Variants in AOPEP observed in about 807,000 individuals in gnomAD.
The protein encoded by AOPEP is aminopeptidase O (putative), also known as aminopeptidase O.
A neutral mutation model predicts 98.1 loss-of-function variants in AOPEP; 77 were observed. The observed-to-expected ratio is 0.78, with a 90% CI of 0.65 to 0.95. The LOEUF (loss-of-function observed/expected upper bound fraction) is 0.95, where lower values mean the gene tolerates loss of function less well. Among genes scored for constraint, AOPEP ranks in the 40% least tolerant of loss-of-function variants. The probability of loss-of-function intolerance (pLI) is 0.00; values close to 1 mark genes in which losing one functional copy is unlikely to be tolerated. For synonymous variants in AOPEP, 346 were observed against 365.3 expected (o/e 0.95, Z 0.60); for missense variants, 1,024 against 1,024.7 (o/e 1.00, Z 0.01).
chr9:94,812,167 T>C (rs73534159), intron 5 of AOPEP, among the ~76,000 whole-genome samples: 1,696 of 152,232 alleles, frequency 0.011, 29 homozygotes, highest in African/African-American at 0.038. Context: ...CACGTGCACA[T>C]CTTCTCACTC....
the AOPEP span, among the ~76,000 whole-genome samples, chr9:95,136,606 TC>T: frequency 2.0e-5 from 3 of 152,194 alleles, no homozygotes; most frequent in African/African-American, 7.2e-5. Context: ...CCTGCATCAG[TC>T]TCCCCAGTAG....
chr9:95,020,701 T>C (rs1010055758), intron 13 of AOPEP, among the ~76,000 whole-genome samples: 4 of 151,806 alleles, frequency 2.6e-5, no homozygotes, highest in African/African-American at 9.7e-5. Context: ...GTGGATCGCT[T>C]GAGCTCAGGA....
the AOPEP span, among the ~76,000 whole-genome samples, chr9:95,116,579 C>T: frequency 6.6e-6 from 1 of 152,234 alleles, no homozygotes; most frequent in Non-Finnish European, 1.5e-5. Flanking sequence ...TCCTCCCATG[C>T]TCCAATAAGG....
chr9:95,138,578 TTATC>T, the AOPEP span, among the ~76,000 whole-genome samples: 4 of 152,216 alleles, frequency 2.6e-5, no homozygotes, highest in Non-Finnish European at 5.9e-5. Context: ...TCCTCATGCC[TTATC>T]TTTTTTCAGG....
At position 95,082,674 on chromosome 9, in the gene AOPEP, G is replaced by T. The variant is rs1487126665; in HGVS notation, c.2419G>T (p.Asp807Tyr). ...CTTCGAGCGGACCAAGGAGCAGATGGATAGGTCCTCAGCCCAGGTGGTGGC... is the reference window on the plus strand; with the variant it reads ...CTTCGAGCGGACCAAGGAGCAGATGTATAGGTCCTCAGCCCAGGTGGTGGC... ...RCFERTKEQM[D>Y]RSSAQVVAEM... is the part of the protein sequence containing the mutation. Residue 807 changes from aspartate (D) to tyrosine (Y), a missense_variant, in exon 16 of 17, where the codon GAT becomes TAT. By Grantham distance (160) the Asp-to-Tyr change is radical. Coordinates refer to ENST00000375315, the MANE Select transcript of AOPEP (RefSeq NM_001193329.3). 6.2e-7 allele frequency: 1 copy of T among 1,614,102 alleles called. No homozygotes were observed. The highest frequency in any genetic ancestry group is 1.3e-5 in the African/African-American group (1 of 74,936).
At chr9:94,851,653 G>A (rs1564257663) in intron 5 of AOPEP, among the ~76,000 whole-genome samples, 1 of 151,320 alleles carries the variant, frequency 6.6e-6, no homozygotes, top group Non-Finnish European at 1.5e-5. Flanking sequence ...GGTCTTTCAA[G>A]TCTGTCTTTG....
At chr9:94,941,154 C>T (rs934541428) in intron 7 of AOPEP, among the ~76,000 whole-genome samples, 1 of 152,224 alleles carries the variant, frequency 6.6e-6, no homozygotes, top group African/African-American at 2.4e-5. Flanking sequence ...TCTAGTCCAG[C>T]CCCTCTGAAG....
chr9:94,912,656 A>C (rs948224085), intron 5 of AOPEP, among the ~76,000 whole-genome samples: 7 of 152,242 alleles, frequency 4.6e-5, no homozygotes, highest in Non-Finnish European at 8.8e-5. Flanking sequence ...AACAGCTAGC[A>C]GAGACTAAAG....
the AOPEP span, chr9:95,123,964 G>A: frequency 2.7e-6 from 1 of 365,676 alleles, no homozygotes; most frequent in Non-Finnish European, 5.3e-6. Flanking sequence ...GTAGCCATGA[G>A]TGGTGACATG....
intron 5 of AOPEP, among the ~76,000 whole-genome samples, chr9:94,912,135 C>T (rs1302135286): frequency 6.6e-6 from 1 of 152,128 alleles, no homozygotes; most frequent in African/African-American, 2.4e-5. Flanking sequence ...TGGTTTGTTG[C>T]AGCTGCCCTA....
intron 9 of AOPEP, among the ~76,000 whole-genome samples, chr9:94,962,751 G>A (rs1414119281): frequency 2.7e-5 from 1 of 36,408 alleles, no homozygotes; most frequent in South Asian, 8.7e-4. Flanking sequence ...TTTTTTTTTT[G>A]AGACGAAGTC....
intron 13 of AOPEP, among the ~76,000 whole-genome samples, chr9:95,040,445 G>A (rs1029435004): frequency 1.3e-5 from 2 of 152,182 alleles, no homozygotes; most frequent in African/African-American, 4.8e-5. Context: ...TCCCACCTTG[G>A]GGCCACCACA....
At chr9:95,006,005 A>C (rs1337726620) in intron 13 of AOPEP, 1 of 478,106 alleles carries the variant, frequency 2.1e-6, no homozygotes, top group Non-Finnish European at 4.3e-6. Context: ...CCTAGACTTT[A>C]AATTGGAGTC....
At chr9:95,122,118 A>C in the AOPEP span, among the ~76,000 whole-genome samples, 1 of 152,100 alleles carries the variant, frequency 6.6e-6, no homozygotes, top group African/African-American at 2.4e-5. Context: ...TCGACCTCCC[A>C]AAGTGCTGGG....
At chr9:95,136,492 A>G in the AOPEP span, among the ~76,000 whole-genome samples, 3 of 142,762 alleles carry the variant, frequency 2.1e-5, no homozygotes, top group Non-Finnish European at 4.6e-5. Flanking sequence ...AGATTCCTTT[A>G]AAAAAAAAAA....
chr9:94,937,655 A>G (rs2056461110), intron 7 of AOPEP, among the ~76,000 whole-genome samples: 1 of 152,160 alleles, frequency 6.6e-6, no homozygotes, highest in African/African-American at 2.4e-5. Context: ...TTGCTGCATA[A>G]TTCCATATCA....
the AOPEP span, among the ~76,000 whole-genome samples, chr9:95,117,698 G>A: frequency 3.3e-5 from 5 of 150,300 alleles, no homozygotes; most frequent in Admixed American, 1.3e-4. Context: ...TGCCAAAGCC[G>A]TTGTGAGATG....
At chr9:94,904,615 T>C (rs1017644019) in intron 5 of AOPEP, 2 of 152,370 alleles carry the variant, frequency 1.3e-5, no homozygotes, top group South Asian at 2.1e-4. Flanking sequence ...CTAATTGGTC[T>C]TATTGGATTA....
intron 7 of AOPEP, among the ~76,000 whole-genome samples, chr9:94,947,436 T>A (rs2057760945): frequency 6.6e-6 from 1 of 152,102 alleles, no homozygotes; most frequent in Non-Finnish European, 1.5e-5. Context: ...CACTACCACA[T>A]CTCGCTTTGT....
Sources: gnomAD v4.1 joint callset for allele counts (sites outside exome capture counted in the v4.1 genomes callset) on GRCh38, gnomAD v4.1.1 for gene constraint, MANE v1.5 for transcripts, NCBI Gene and HGNC (gene_info 2026-07-23, HGNC 2026-07-21) for gene names.